Variants in ABCD3 observed in about 807,000 individuals in gnomAD.
The protein encoded by ABCD3 is ATP-binding cassette sub-family D member 3.
A neutral mutation model predicts 105.5 loss-of-function variants in ABCD3; 41 were observed. The ratio of observed to expected loss-of-function variants is 0.39; its 90% CI spans 0.30 to 0.50. The LOEUF is 0.50. Ranked by LOEUF, ABCD3 falls within the 20% of genes least tolerant of loss-of-function variation. The probability of loss-of-function intolerance (pLI) is 0.84; values close to 1 mark genes in which losing one functional copy is unlikely to be tolerated. For missense variants in ABCD3, 622 were observed against 806.3 expected (o/e 0.77, Z 2.77); for synonymous variants, 258 against 269.0 (o/e 0.96, Z 0.40).
chr1:94,427,019 G>C (rs539606895), intron 1 of ABCD3, among the ~76,000 whole-genome samples: 25 of 152,162 alleles, frequency 1.6e-4, no homozygotes, highest in Admixed American at 3.9e-4. Context: ...ACTGAGTATA[G>C]AACAGTATGT....
chr1:94,418,661 C>T (rs936359917), intron 1 of ABCD3, 73 bp downstream of exon 1: 11 of 1,465,170 alleles, frequency 7.5e-6, no homozygotes, highest in Non-Finnish European at 7.4e-6. Flanking sequence ...TCTCCCCACC[C>T]GGCCGACAGG....
upstream of ABCD3, among the ~76,000 whole-genome samples, chr1:94,417,074 A>G (rs1262063002): frequency 6.6e-6 from 1 of 152,124 alleles, no homozygotes; most frequent in African/African-American, 2.4e-5. Flanking sequence ...TTCTCCTATT[A>G]ATTTTTTCTT....
Position 94,418,429 on chromosome 1 carries a change from C to A in ABCD3, c.-50C>A. ...GCTGCGTGCAGTAAGGTAGCCGCCG[C>A]CGCCGCCGCCGCCGCGTCCCCTCGC... is the stretch of plus-strand genomic sequence containing the variant. On this transcript the variant is annotated 5_prime_UTR_variant, in exon 1 of 23. Coordinates refer to ENST00000370214, the MANE Select transcript of ABCD3 (RefSeq NM_002858.4). 6.6e-7 allele frequency: 1 copy of A among 1,514,710 alleles called. No individual in the cohort carries two copies. Among genetic ancestry groups the A allele is most frequent in the Non-Finnish European group, 8.9e-7 (1 of 1,121,628 alleles). 93.8% of individuals were successfully genotyped at this position (1,514,710 alleles called of 1,614,324 possible).
chr1:94,480,435 T>C (rs749860288), intron 8 of ABCD3, 29 bp from the exon 9 acceptor site: 2 of 1,613,198 alleles, frequency 1.2e-6, no homozygotes, highest in Admixed American at 1.7e-5. Context: ...CCCAGAACTT[T>C]GTGTATCTTT....
chr1:94,418,408 C>G lies in ABCD3; in HGVS notation c.-71C>G. 3 of 1,310,880 alleles carry G rather than the reference C, an allele frequency of 2.3e-6. 1 individual carries two copies. The South Asian group carries it at 3.8e-5, about 16-fold the overall frequency. 81.2% of individuals were successfully genotyped at this position (1,310,880 alleles called of 1,614,324 possible). On this transcript the variant is annotated 5_prime_UTR_variant, in exon 1 of 23. Transcript: ENST00000370214. Reference sequence around the variant, plus strand: ...TCTCCTCCCAGTCTCCCCCGCGCTGCGTGCAGTAAGGTAGCCGCCGCCGCC... The same window carrying G: ...TCTCCTCCCAGTCTCCCCCGCGCTGGGTGCAGTAAGGTAGCCGCCGCCGCC...
At chr1:94,417,595 T>C (rs1288228847), upstream of ABCD3, among the ~76,000 whole-genome samples, 3 of 152,262 alleles carry the variant, frequency 2.0e-5, no homozygotes, top group Non-Finnish European at 4.4e-5. Flanking sequence ...TACTTCTGAA[T>C]GTCCCTTTGC....
intron 1 of ABCD3, among the ~76,000 whole-genome samples, chr1:94,451,217 T>C (rs1647234109): frequency 1.3e-5 from 2 of 152,324 alleles, no homozygotes; most frequent in South Asian, 4.1e-4. Flanking sequence ...TTTTATAGGA[T>C]GACTCTGGAA....
chr1:94,478,600 C>T (rs1394572311), intron 8 of ABCD3: 2 of 1,403,102 alleles, frequency 1.4e-6, no homozygotes, highest in Non-Finnish European at 2.0e-6. Context: ...CCTGTAATCC[C>T]AGCACTTTGG....
At chr1:94,424,693 A>T (rs1659397235) in intron 1 of ABCD3, among the ~76,000 whole-genome samples, 1 of 152,332 alleles carries the variant, frequency 6.6e-6, no homozygotes, top group Admixed American at 6.5e-5. Context: ...CTGGGATTAC[A>T]GGCAAGAGCC....
chr1:94,401,271 C>A, the ABCD3 span, among the ~76,000 whole-genome samples: 1 of 152,224 alleles, frequency 6.6e-6, no homozygotes, highest in Non-Finnish European at 1.5e-5. Context: ...CCTGGTCGAA[C>A]CTGCTAGCAT....
At chr1:94,475,396 A>T (rs112056262) in intron 6 of ABCD3, among the ~76,000 whole-genome samples, 156 bp downstream of exon 6, 37 of 152,226 alleles carry the variant, frequency 2.4e-4, no homozygotes, top group African/African-American at 8.9e-4. Context: ...AGTTATTTGG[A>T]ATCTAGTCCT....
chr1:94,480,294 A>G lies in ABCD3; in HGVS notation c.685-170A>G, dbSNP rs1265639535. 3 of 689,242 alleles carry G rather than the reference A, an allele frequency of 4.4e-6. No homozygotes were observed. In the African/African-American group the frequency reaches 5.4e-5, roughly 12 times the overall value. The allele number at this position is 689,242 out of a possible 1,614,324, so 42.7% of individuals were successfully genotyped here. A position where few individuals can be genotyped will look rare whatever the true frequency, so the allele number is the denominator to read the frequency against. On this transcript the variant is annotated intron_variant, in intron 8 of 22. Transcript: ENST00000370214. ...AAAAGCCCATGAGTAGTAAAAGTGTAGAGGCTACTGTGTACTTTTTCAGAA... is the reference window on the plus strand; with the variant it reads ...AAAAGCCCATGAGTAGTAAAAGTGTGGAGGCTACTGTGTACTTTTTCAGAA...
Position 94,517,135 on chromosome 1 carries a change from TCTGGAGAACTATAC to T in ABCD3, c.*10_*23del. 1 of 1,590,272 alleles carries T rather than the reference TCTGGAGAACTATAC, an allele frequency of 6.3e-7. No individual in the cohort carries two copies. Among genetic ancestry groups the T allele is most frequent in the Non-Finnish European group, 8.6e-7 (1 of 1,159,198 alleles). ...CAGTTGAGTTTGGCTCTTAGAGAAA[TCTGGAGAACTATAC>T]CTGCTTCAGTGAAATAATTACAGAA... On this transcript the variant is annotated 3_prime_UTR_variant, in exon 23 of 23. Coordinates refer to ENST00000370214, the MANE Select transcript of ABCD3 (RefSeq NM_002858.4).
chr1:94,472,987 C>G (rs1648560497), intron 4 of ABCD3, among the ~76,000 whole-genome samples: 1 of 151,848 alleles, frequency 6.6e-6, no homozygotes, highest in South Asian at 2.1e-4. Flanking sequence ...GTTTTAGAAC[C>G]CTTTTTAAAA....
In ABCD3 at chr1:94,498,763, C is replaced by G; in HGVS notation, c.1465-20C>G. On this transcript the variant is annotated intron_variant, in intron 17 of 22. Transcript: ENST00000370214. ...TTGTAAATTTTACAATTGTTCTTCTCCCTTCTCTCTCTTTAATAGTTATGG... is the reference window on the plus strand; with the variant it reads ...TTGTAAATTTTACAATTGTTCTTCTGCCTTCTCTCTCTTTAATAGTTATGG... 1.9e-6 allele frequency: 3 copies of G among 1,613,426 alleles called. No individual in the cohort carries two copies. The African/African-American group carries it at 4.0e-5, about 22-fold the overall frequency.
intron 20 of ABCD3, among the ~76,000 whole-genome samples, chr1:94,506,299 G>A (rs1005254581): frequency 4.6e-5 from 7 of 152,006 alleles, no homozygotes; most frequent in Non-Finnish European, 8.8e-5. Context: ...TAAGGTTTGT[G>A]TTTTACTCTG....
chr1:94,427,429 T>C (rs941019208), intron 1 of ABCD3, among the ~76,000 whole-genome samples: 1 of 152,210 alleles, frequency 6.6e-6, no homozygotes, highest in African/African-American at 2.4e-5. Flanking sequence ...AATTCATATT[T>C]TCTCCTAAAA....
Position 94,517,174 on chromosome 1 carries a change from A to G in ABCD3, c.*45A>G. 7.1e-7 allele frequency: 1 copy of G among 1,416,638 alleles called. No homozygotes were observed. The allele number at this position is 1,416,638 out of a possible 1,614,324, so 87.8% of individuals were successfully genotyped here. A position where few individuals can be genotyped will look rare whatever the true frequency, so the allele number is the denominator to read the frequency against. On this transcript the variant is annotated 3_prime_UTR_variant, in exon 23 of 23. Coordinates refer to ENST00000370214, the MANE Select transcript of ABCD3 (RefSeq NM_002858.4). ...CCTGCTTCAGTGAAATAATTACAGAATATACTTAGAAAGGCAAAGTACATT... is the reference window on the plus strand; with the variant it reads ...CCTGCTTCAGTGAAATAATTACAGAGTATACTTAGAAAGGCAAAGTACATT...
chr1:94,503,978 T>A (rs1357147012), intron 20 of ABCD3, among the ~76,000 whole-genome samples: 1 of 145,634 alleles, frequency 6.9e-6, no homozygotes, highest in Non-Finnish European at 1.5e-5. Flanking sequence ...ACTGGCACGA[T>A]CTCAGCTTAC....
Sources: gnomAD v4.1 joint callset for allele counts (sites outside exome capture counted in the v4.1 genomes callset) on GRCh38, gnomAD v4.1.1 for gene constraint, MANE v1.5 for transcripts, NCBI Gene and HGNC (gene_info 2026-07-23, HGNC 2026-07-21) for gene names.